MEI4: variants seen among roughly 807,000 people sequenced by gnomAD.
MEI4 encodes the protein meiosis-specific protein MEI4.
A neutral mutation model predicts 31.4 loss-of-function variants in MEI4; 27 were observed. That is an observed-to-expected ratio of 0.86 (90% CI 0.63 to 1.19). MEI4 has a LOEUF of 1.19. Among genes scored for constraint, MEI4 ranks in the 50% most tolerant of loss-of-function variants. The pLI is 0.00. For missense variants in MEI4, 329 were observed against 398.9 expected (o/e 0.82, Z 1.49); for synonymous variants, 122 against 145.4 (o/e 0.84, Z 1.16).
intron 4 of MEI4, among the ~76,000 whole-genome samples, chr6:77,878,045 T>C (rs1421420880): frequency 1.3e-5 from 2 of 152,066 alleles, no homozygotes; most frequent in Non-Finnish European, 2.9e-5. Flanking sequence ...AGCCAATTAG[T>C]AATATAATGT....
intron 2 of MEI4, among the ~76,000 whole-genome samples, chr6:77,714,433 T>C (rs9350718): frequency 0.019 from 2,889 of 152,312 alleles, 66 homozygotes; most frequent in East Asian, 0.088. Context: ...TACTTCTTTC[T>C]TTAACAGTTT....
chr6:77,803,261 A>G (rs1338828576), intron 3 of MEI4, among the ~76,000 whole-genome samples: 2 of 152,208 alleles, frequency 1.3e-5, no homozygotes, highest in Non-Finnish European at 2.9e-5. Context: ...CAGTTGATCA[A>G]ATCGGCTACT....
intron 3 of MEI4, among the ~76,000 whole-genome samples, chr6:77,812,437 G>A (rs1403097196): frequency 6.6e-6 from 1 of 152,106 alleles, no homozygotes; most frequent in Admixed American, 6.6e-5. Context: ...TGAGGAAAAG[G>A]TTAGGAGGGT....
intron 2 of MEI4, among the ~76,000 whole-genome samples, chr6:77,741,624 A>T (rs528065393): frequency 1.3e-4 from 19 of 151,908 alleles, no homozygotes; most frequent in East Asian, 1.9e-4. Flanking sequence ...TTTTAATTTT[A>T]ATTTTTATTT....
rs149585565 is a variant in MEI4, at chr6:77,774,484, T to C, written c.768+12819T>C. On this transcript the variant is annotated intron_variant, in intron 3 of 4. Transcript: ENST00000684080. ...ATTAAAACAGTTGAATCCATAGAGA[T>C]AGAGAGTAAAATGATGTTTACCAAA... 8.6e-4 allele frequency among the ~76,000 whole-genome samples: 131 copies of C among 152,100 alleles called. 2 individuals carry two copies. Among genetic ancestry groups the C allele is most frequent in the Admixed American group, 4.3e-3 (65 of 15,242 alleles).
rs570984552 is a variant in MEI4 at position 77,874,729 on chromosome 6, A to G, written c.900+45667A>G. Among the ~76,000 whole-genome samples the G allele has an allele frequency of 2.0e-5, 3 of 152,148 alleles. No individual in the cohort carries two copies. The South Asian group carries it at 6.2e-4, about 32-fold the overall frequency. ...CCAGTTTTTGCCCATTCAGTATGAT[A>G]TTGGCTGTGGGTTTGTCATAGATAG... On this transcript the variant is annotated intron_variant, in intron 4 of 4. Transcript: ENST00000684080.
chr6:77,698,233 T>C (rs772332733), intron 2 of MEI4, among the ~76,000 whole-genome samples: 3 of 152,232 alleles, frequency 2.0e-5, no homozygotes, highest in Non-Finnish European at 4.4e-5. Context: ...TTTGCCAGTC[T>C]GTGTCTTTTA....
chr6:77,801,081 T>C (rs1267998071), intron 3 of MEI4, among the ~76,000 whole-genome samples: 1 of 152,220 alleles, frequency 6.6e-6, no homozygotes, highest in Non-Finnish European at 1.5e-5. Context: ...CAGCTCCTCC[T>C]TGTACCTCTG....
intron 3 of MEI4, among the ~76,000 whole-genome samples, chr6:77,776,169 T>G (rs577351002): frequency 0.021 from 2,085 of 100,782 alleles, 49 homozygotes; most frequent in African/African-American, 0.084. Flanking sequence ...TTTTTTTTGT[T>G]TTTGTTTTTG....
chr6:77,729,305 C>T (rs1169507401), intron 2 of MEI4, among the ~76,000 whole-genome samples: 1 of 152,158 alleles, frequency 6.6e-6, no homozygotes, highest in Non-Finnish European at 1.5e-5. Context: ...TGCTCAAGGT[C>T]ATCACCAAGG....
intron 2 of MEI4, among the ~76,000 whole-genome samples, chr6:77,753,970 A>G (rs957062531): frequency 6.6e-6 from 1 of 152,160 alleles, no homozygotes; most frequent in African/African-American, 2.4e-5. Flanking sequence ...ATGAAGCTGG[A>G]AACCATCTTT....
chr6:77,794,802 C>G (rs1320635269), intron 3 of MEI4, among the ~76,000 whole-genome samples: 1 of 151,880 alleles, frequency 6.6e-6, no homozygotes, highest in African/African-American at 2.4e-5. Flanking sequence ...TTTTTCAAGT[C>G]TATAAAAAAC....
At chr6:77,710,413 T>C (rs975176168) in intron 2 of MEI4, among the ~76,000 whole-genome samples, 8 of 150,318 alleles carry the variant, frequency 5.3e-5, no homozygotes, top group Admixed American at 3.3e-4. Context: ...TCCCAGCTAC[T>C]TGGGAGGCTG....
intron 4 of MEI4, among the ~76,000 whole-genome samples, chr6:77,886,888 T>A (rs1029605130): frequency 5.9e-5 from 9 of 152,198 alleles, no homozygotes; most frequent in Admixed American, 3.3e-4. Flanking sequence ...ATCTGTTTTG[T>A]TTATCTTCTC....
At chr6:77,899,392 A>T (rs1487127064) in intron 4 of MEI4, among the ~76,000 whole-genome samples, 2 of 152,098 alleles carry the variant, frequency 1.3e-5, no homozygotes, top group Admixed American at 6.6e-5. Context: ...GCTCCCCATT[A>T]TATAAAATGT....
intron 4 of MEI4, among the ~76,000 whole-genome samples, chr6:77,889,388 T>A (rs1771702747): frequency 6.6e-6 from 1 of 152,122 alleles, no homozygotes; most frequent in Admixed American, 6.5e-5. Context: ...GGAGCAAAGG[T>A]GAATCTTGCT....
intron 2 of MEI4, among the ~76,000 whole-genome samples, chr6:77,748,114 C>T (rs1767663878): frequency 6.6e-6 from 1 of 152,182 alleles, no homozygotes; most frequent in African/African-American, 2.4e-5. Context: ...ACAGTGCAAG[C>T]TGTTGGTGGA....
At chr6:77,865,241 C>A (rs1770990214) in intron 4 of MEI4, among the ~76,000 whole-genome samples, 1 of 152,068 alleles carries the variant, frequency 6.6e-6, no homozygotes, top group African/African-American at 2.4e-5. Flanking sequence ...CAGAGCAGAA[C>A]TGAAGGAGAT....
intron 4 of MEI4, among the ~76,000 whole-genome samples, chr6:77,868,772 G>A (rs1771125842): frequency 6.6e-6 from 1 of 151,790 alleles, no homozygotes; most frequent in South Asian, 2.1e-4. Flanking sequence ...ATGAACCTAG[G>A]ATACATAATC....
Sources: gnomAD v4.1 joint callset for allele counts (sites outside exome capture counted in the v4.1 genomes callset) on GRCh38, gnomAD v4.1.1 for gene constraint, MANE v1.5 for transcripts, NCBI Gene and HGNC (gene_info 2026-07-23, HGNC 2026-07-21) for gene names.